Variants in ARPC1A observed in about 807,000 individuals in gnomAD.
ARPC1A encodes actin related protein 2/3 complex subunit 1A.
Under a neutral mutation model 46.9 loss-of-function variants are expected in ARPC1A, and 8 were observed. The ratio of observed to expected loss-of-function variants is 0.17; its 90% CI spans 0.10 to 0.31. ARPC1A has a LOEUF of 0.31. Ranked by LOEUF, ARPC1A falls within the 10% of genes least tolerant of loss-of-function variation. The pLI is 1.00. For missense variants in ARPC1A, 286 were observed against 483.6 expected (o/e 0.59, Z 3.83); for synonymous variants, 152 against 169.0 (o/e 0.90, Z 0.78).
intron 4 of ARPC1A, among the ~76,000 whole-genome samples, chr7:99,346,243 G>A (rs949687288): frequency 4.0e-5 from 6 of 151,424 alleles, no homozygotes; most frequent in African/African-American, 1.2e-4. Context: ...ATTGAGTTAC[G>A]AATTTGAAAC....
chr7:99,361,869 G>A (rs894284648), intron 8 of ARPC1A, among the ~76,000 whole-genome samples: 1 of 152,202 alleles, frequency 6.6e-6, no homozygotes, highest in African/African-American at 2.4e-5. Flanking sequence ...CAGGAAAGCA[G>A]GCACAGATGA....
At chr7:99,328,759 G>A (rs139749247) in intron 1 of ARPC1A, among the ~76,000 whole-genome samples, 49 of 152,146 alleles carry the variant, frequency 3.2e-4, no homozygotes, top group African/African-American at 1.0e-3. Flanking sequence ...AGACCAGCCT[G>A]GACAACATAG....
chr7:99,362,640 C>G (rs1709083574), intron 8 of ARPC1A, among the ~76,000 whole-genome samples: 1 of 151,504 alleles, frequency 6.6e-6, no homozygotes, highest in Non-Finnish European at 1.5e-5. Flanking sequence ...CTGCACCTGG[C>G]CTTTGTTGTT....
intron 1 of ARPC1A, among the ~76,000 whole-genome samples, chr7:99,332,991 G>A (rs754973420): frequency 2.0e-5 from 3 of 151,970 alleles, no homozygotes; most frequent in South Asian, 2.1e-4. Context: ...CTGCCTCCTG[G>A]ATGCAAGCAA....
intron 2 of ARPC1A, among the ~76,000 whole-genome samples, chr7:99,334,038 TGTA>T (rs201989772): frequency 0.1 from 14,169 of 136,748 alleles, 929 homozygotes; most frequent in East Asian, 0.32. Flanking sequence ...CACATATATA[TGTA>T]TTTTTTTTTT....
At chr7:99,342,716 C>CTTTTT (rs555524613) in intron 3 of ARPC1A, among the ~76,000 whole-genome samples, 14 of 101,920 alleles carry the variant, frequency 1.4e-4, no homozygotes, top group African/African-American at 1.9e-4. Context: ...CTTCATACTA[C>CTTTTT]TTTTTTTTTT....
At chr7:99,354,962 A>T (rs1793605530) in intron 6 of ARPC1A, among the ~76,000 whole-genome samples, 4 of 152,066 alleles carry the variant, frequency 2.6e-5, no homozygotes. Flanking sequence ...AAAATACAGA[A>T]AATTAGCTGG....
intron 9 of ARPC1A, 95 bp downstream of exon 9, chr7:99,363,728 T>A: frequency 2.2e-6 from 2 of 902,170 alleles, no homozygotes; most frequent in East Asian, 5.4e-5. Flanking sequence ...CAGGTTGGAG[T>A]AAGTGGCACA....
chr7:99,348,884 G>A lies in ARPC1A; in HGVS notation c.425G>A (p.Arg142His), dbSNP rs777116048. The change falls in exon 5 of 10, where the codon CGC (arginine) becomes CAC (histidine). Residue 142 changes from arginine (R) to histidine (H), a missense_variant. This residue lies in a region of ARPC1A where 11 missense variants were observed against 32.4 expected (regional missense o/e 0.34). Transcript: ENST00000262942. The stretch of plus-strand genomic sequence containing the variant: ...AGCAAGCACATTAAAAAGCCGATTC[G>A]CTCCACAGTCCTCAGCTTGGATTGG... Reference protein sequence around the residue: ...WVSKHIKKPIRSTVLSLDWHP... With the variant: ...WVSKHIKKPIHSTVLSLDWHP... 5.6e-6 allele frequency: 9 copies of A among 1,613,854 alleles called. No individual in the cohort carries two copies. Among genetic ancestry groups the A allele is most frequent in the East Asian group, 2.2e-5 (1 of 44,860 alleles).
chr7:99,358,457 T>C, intron 7 of ARPC1A, 42 bp downstream of exon 7: 1 of 1,563,970 alleles, frequency 6.4e-7, no homozygotes, highest in Non-Finnish European at 8.8e-7. Context: ...GCACTGTATG[T>C]GATGCTCAGA....
chr7:99,346,870 T>C (rs1006908084), intron 4 of ARPC1A, among the ~76,000 whole-genome samples: 23 of 151,840 alleles, frequency 1.5e-4, no homozygotes, highest in African/African-American at 3.4e-4. Flanking sequence ...TCCCAGCTAC[T>C]TGGGAGTCTG....
At chr7:99,326,848 C>T (rs1432298152) in intron 1 of ARPC1A, among the ~76,000 whole-genome samples, 1 of 152,194 alleles carries the variant, frequency 6.6e-6, no homozygotes, top group Non-Finnish European at 1.5e-5. Flanking sequence ...ACCAACCCTC[C>T]AGACTTGAAG....
intron 1 of ARPC1A, among the ~76,000 whole-genome samples, chr7:99,326,444 C>G (rs921903571): frequency 7.9e-5 from 12 of 152,224 alleles, no homozygotes; most frequent in Non-Finnish European, 1.5e-4. Context: ...AGCCCTCAAT[C>G]CTTCGGTTAA....
chr7:99,352,982 T>TATA (rs1208264868), intron 5 of ARPC1A, among the ~76,000 whole-genome samples: 2 of 151,830 alleles, frequency 1.3e-5, no homozygotes, highest in East Asian at 3.9e-4. Context: ...TATATATATA[T>TATA]ATACTAGAAT....
At chr7:99,341,170 G>A (rs1793351538) in intron 3 of ARPC1A, among the ~76,000 whole-genome samples, 3 of 151,828 alleles carry the variant, frequency 2.0e-5, no homozygotes, top group Admixed American at 1.3e-4. Context: ...TTAGCCGGGT[G>A]TGGTGGCAAG....
rs1584386596 is a variant in ARPC1A, at chr7:99,358,665, C to T, written c.789+250C>T. ...AAGCGATTCTCCCGCCTCAGCCTCT[C>T]GAGGAACTGGGAATATAGGCATGCG... On this transcript the variant is annotated intron_variant, in intron 7 of 9. Transcript: ENST00000262942. The T allele has an allele frequency of 1.2e-5, 5 of 425,036 alleles. No homozygotes were observed. The East Asian group carries it at 1.5e-4, about 12-fold the overall frequency. 26.3% of individuals were successfully genotyped at this position (425,036 alleles called of 1,614,324 possible).
chr7:99,359,748 G>A lies in ARPC1A; in HGVS notation c.983+10G>A, dbSNP rs199843941. On this transcript the variant is annotated intron_variant, in intron 8 of 9. Coordinates refer to ENST00000262942, the MANE Select transcript of ARPC1A (RefSeq NM_006409.4). ...ACCAGAATAGCATCACGTAGGTGCC[G>A]TCTGTAGAGAGGTGGTCAGGTGACA... 3.2e-5 allele frequency: 51 copies of A among 1,613,950 alleles called. No homozygotes were observed. The East Asian group carries it at 6.5e-4, about 20-fold the overall frequency.
At chr7:99,352,493 C>T (rs780501063) in intron 5 of ARPC1A, among the ~76,000 whole-genome samples, 12 of 151,234 alleles carry the variant, frequency 7.9e-5, no homozygotes, top group Non-Finnish European at 1.5e-4. Context: ...CCCATCTCTA[C>T]AAAAAATTTT....
intron 6 of ARPC1A, among the ~76,000 whole-genome samples, chr7:99,356,370 C>T (rs895438935): frequency 2.6e-5 from 4 of 152,138 alleles, no homozygotes; most frequent in East Asian, 1.9e-4. Context: ...TTTGGGAGGC[C>T]GAGGCGGGTG....
Sources: allele counts gnomAD v4.1 joint callset (sites outside exome capture counted in the v4.1 genomes callset), GRCh38; gene constraint gnomAD v4.1.1; regional missense constraint gnomAD v4.1.1; transcripts MANE v1.5; gene names NCBI Gene and HGNC (gene_info 2026-07-23, HGNC 2026-07-21).